KCMF1: variants seen among roughly 807,000 people sequenced by gnomAD.
KCMF1 encodes E3 ubiquitin-protein ligase KCMF1.
In KCMF1, 3 loss-of-function variants were observed where a neutral mutation model predicts 41.1. The ratio of observed to expected loss-of-function variants is 0.07; its 90% CI spans 0.03 to 0.19. The LOEUF (loss-of-function observed/expected upper bound fraction) is 0.19, where lower values mean the gene tolerates loss of function less well. KCMF1 is among the 10% of genes least tolerant of loss of function. The pLI is 1.00. For synonymous variants in KCMF1, 142 were observed against 164.5 expected (o/e 0.86, Z 1.04); for missense variants, 286 against 488.9 (o/e 0.58, Z 3.91).
chr2:85,013,141 T>C (rs1359961429), intron 1 of KCMF1, among the ~76,000 whole-genome samples: 1 of 152,206 alleles, frequency 6.6e-6, no homozygotes, highest in African/African-American at 2.4e-5. Flanking sequence ...CTCTATCCCT[T>C]AGTCTTCATA....
At chr2:85,023,706 C>T (rs900128614) in intron 1 of KCMF1, among the ~76,000 whole-genome samples, 2 of 152,124 alleles carry the variant, frequency 1.3e-5, no homozygotes, top group South Asian at 4.2e-4. Flanking sequence ...CAAAAGATTC[C>T]CTCCCCGGGA....
At chr2:85,038,661 A>G (rs1301647250) in intron 3 of KCMF1, among the ~76,000 whole-genome samples, 4 of 152,052 alleles carry the variant, frequency 2.6e-5, no homozygotes, top group African/African-American at 4.8e-5. Context: ...ATATGTGTCA[A>G]CAGGTTTTGT....
intron 1 of KCMF1, among the ~76,000 whole-genome samples, chr2:85,020,599 T>G (rs1231515381): frequency 6.6e-6 from 1 of 152,094 alleles, no homozygotes; most frequent in Non-Finnish European, 1.5e-5. Flanking sequence ...CTAATTTTTG[T>G]ATGTTTTTTG....
intron 1 of KCMF1, among the ~76,000 whole-genome samples, chr2:85,008,263 C>CATATATAATATATAAT (rs1465922425): frequency 4.4e-5 from 3 of 68,828 alleles, no homozygotes; most frequent in African/African-American, 1.7e-4. Flanking sequence ...TATTATATAT[C>CATATATAATATATAAT]ATATATAATA....
chr2:85,023,897 CG>C (rs1407881378), intron 1 of KCMF1, among the ~76,000 whole-genome samples: 1 of 152,142 alleles, frequency 6.6e-6, no homozygotes, highest in African/African-American at 2.4e-5. Flanking sequence ...AGTTTCTTAC[CG>C]GTTTGGTAAA....
At chr2:85,018,508 G>A (rs182337910) in intron 1 of KCMF1, among the ~76,000 whole-genome samples, 2 of 152,002 alleles carry the variant, frequency 1.3e-5, no homozygotes, top group African/African-American at 4.8e-5. Flanking sequence ...GACCTCAGGT[G>A]ATCTGCCCGC....
intron 1 of KCMF1, among the ~76,000 whole-genome samples, chr2:85,017,315 C>T (rs1035057472): frequency 1.3e-5 from 2 of 151,494 alleles, no homozygotes; most frequent in Non-Finnish European, 2.9e-5. Flanking sequence ...CGTGAGCCAC[C>T]GCGCCCGGCC....
intron 1 of KCMF1, among the ~76,000 whole-genome samples, chr2:85,024,237 T>G (rs936074366): frequency 6.6e-6 from 1 of 152,184 alleles, no homozygotes; most frequent in African/African-American, 2.4e-5. Context: ...TCCAGCACTT[T>G]GGGAGGCCCA....
At chr2:85,040,795 C>CT (rs1308330629) in intron 3 of KCMF1, among the ~76,000 whole-genome samples, 1 of 148,788 alleles carries the variant, frequency 6.7e-6, no homozygotes, top group African/African-American at 2.5e-5. Context: ...GATGGAGTCT[C>CT]TGTCGCTCAG....
intron 1 of KCMF1, among the ~76,000 whole-genome samples, chr2:85,013,772 TG>T (rs1335749356): frequency 7.3e-6 from 1 of 136,848 alleles, no homozygotes; most frequent in Non-Finnish European, 1.5e-5. Flanking sequence ...TGCTCCAGCC[TG>T]GGCGACAGAG....
intron 2 of KCMF1, among the ~76,000 whole-genome samples, chr2:85,030,978 G>A (rs574606243): frequency 1.2e-4 from 19 of 152,298 alleles, no homozygotes; most frequent in Middle Eastern, 3.4e-3. Flanking sequence ...GATTGCAGGC[G>A]TGAGCCACCA....
At chr2:85,049,749 A>G in intron 6 of KCMF1, 101 bp downstream of exon 6, 4 of 1,017,748 alleles carry the variant, frequency 3.9e-6, no homozygotes, top group Non-Finnish European at 5.6e-6. Flanking sequence ...TTTCTTTAAA[A>G]TTTTGTGTTT....
chr2:85,052,920 G>C lies in KCMF1; in HGVS notation c.885-228G>C, dbSNP rs12616403. On this transcript the variant is annotated intron_variant, in intron 6 of 6. Transcript: ENST00000409785. ...TCTAAATGTCTTTTTTTTTCTCATT[G>C]AGTCTAATTAAAGCATAGATTTGCA... Among the ~76,000 whole-genome samples the C allele has an allele frequency of 0.12, 18,137 of 151,350 alleles. 1,637 individuals carry two copies. The highest frequency in any genetic ancestry group is 0.42 in the East Asian group (2,140 of 5,150).
At chr2:84,973,987 C>G (rs913442583) in intron 1 of KCMF1, among the ~76,000 whole-genome samples, 1 of 152,062 alleles carries the variant, frequency 6.6e-6, no homozygotes, top group Non-Finnish European at 1.5e-5. Flanking sequence ...GCCACCACAC[C>G]CATCCAATTT....
At chr2:85,002,092 G>A (rs1674344340) in intron 1 of KCMF1, among the ~76,000 whole-genome samples, 1 of 152,124 alleles carries the variant, frequency 6.6e-6, no homozygotes, top group African/African-American at 2.4e-5. Flanking sequence ...CCTCAAAACA[G>A]GTAGAAGAAT....
chr2:85,025,497 C>G (rs1272342125), intron 1 of KCMF1, among the ~76,000 whole-genome samples: 1 of 152,176 alleles, frequency 6.6e-6, no homozygotes, highest in African/African-American at 2.4e-5. Flanking sequence ...CTTGAAAACT[C>G]TCTACCCACT....
chr2:84,985,814 G>A (rs1026918980), intron 1 of KCMF1, among the ~76,000 whole-genome samples: 2 of 150,174 alleles, frequency 1.3e-5, no homozygotes, highest in Non-Finnish European at 3.0e-5. Context: ...GGGTGACAGA[G>A]CCAGACTCCA....
intron 1 of KCMF1, among the ~76,000 whole-genome samples, chr2:85,023,669 C>T (rs956573640): frequency 2.0e-5 from 3 of 152,176 alleles, no homozygotes; most frequent in African/African-American, 7.2e-5. Context: ...CGTCAACATT[C>T]TTCCACATTC....
chr2:84,998,612 C>G (rs1453552967), intron 1 of KCMF1, among the ~76,000 whole-genome samples: 1 of 151,486 alleles, frequency 6.6e-6, no homozygotes, highest in East Asian at 1.9e-4. Context: ...TACTTACTTA[C>G]TTATTTGAGA....
Sources: gnomAD v4.1 joint callset for allele counts (sites outside exome capture counted in the v4.1 genomes callset) on GRCh38, gnomAD v4.1.1 for gene constraint, MANE v1.5 for transcripts, NCBI Gene and HGNC (gene_info 2026-07-23, HGNC 2026-07-21) for gene names.